Variants in SGMS1 observed in about 807,000 individuals in gnomAD.
SGMS1 encodes phosphatidylcholine:ceramide cholinephosphotransferase 1.
In SGMS1, 13 loss-of-function variants were observed where a neutral mutation model predicts 46.2. The observed-to-expected ratio is 0.28, with a 90% confidence interval of 0.18 to 0.45. The LOEUF is 0.45. Ranked by LOEUF, SGMS1 falls within the 20% of genes least tolerant of loss-of-function variation. The probability of loss-of-function intolerance (pLI) is 1.00; values close to 1 mark genes in which losing one functional copy is unlikely to be tolerated. For missense variants in SGMS1, 324 were observed against 519.9 expected, an observed-to-expected ratio of 0.62 and a Z score of 3.66; for synonymous variants, 203 against 187.8, an observed-to-expected ratio of 1.08 and a Z score of -0.66.
chr10:50,470,743 C>T (rs949331528), intron 3 of SGMS1, among the ~76,000 whole-genome samples: 1 of 152,112 alleles, frequency 6.6e-6, no homozygotes, highest in African/African-American at 2.4e-5. Context: ...TACAGCCAAG[C>T]ATGATTGTCT....
chr10:50,573,392 C>G (rs564394115), intron 2 of SGMS1, among the ~76,000 whole-genome samples: 1 of 152,142 alleles, frequency 6.6e-6, no homozygotes, highest in East Asian at 1.9e-4. Flanking sequence ...TTTCTGTACA[C>G]CAACAAAACA....
At chr10:50,519,618 G>C (rs1336949672) in intron 3 of SGMS1, among the ~76,000 whole-genome samples, 1 of 152,188 alleles carries the variant, frequency 6.6e-6, no homozygotes, top group Non-Finnish European at 1.5e-5. Context: ...TCTCCAGTGG[G>C]GGAGCTGGCC....
chr10:50,397,131 A>C (rs1043129619), intron 6 of SGMS1, among the ~76,000 whole-genome samples: 1 of 152,172 alleles, frequency 6.6e-6, no homozygotes, highest in Non-Finnish European at 1.5e-5. Flanking sequence ...ATCATCTAAG[A>C]TCTCTGATGT....
At chr10:50,358,955 C>T (rs1406550335) in intron 6 of SGMS1, among the ~76,000 whole-genome samples, 1 of 152,204 alleles carries the variant, frequency 6.6e-6, no homozygotes, top group East Asian at 1.9e-4. Flanking sequence ...TTATTTCAGT[C>T]TACTGTTGAG....
chr10:50,315,123 A>G (rs1847318577), intron 8 of SGMS1, among the ~76,000 whole-genome samples: 1 of 152,204 alleles, frequency 6.6e-6, no homozygotes, highest in Non-Finnish European at 1.5e-5. Flanking sequence ...ACCAGCCTAC[A>G]GCTGTTTACC....
intron 6 of SGMS1, among the ~76,000 whole-genome samples, chr10:50,347,133 A>T (rs959831929): frequency 6.6e-6 from 1 of 152,124 alleles, no homozygotes; most frequent in Admixed American, 6.5e-5. Flanking sequence ...CCTTCCTGTG[A>T]CTAAGTGTCT....
intron 2 of SGMS1, among the ~76,000 whole-genome samples, chr10:50,562,443 C>T (rs149240027): frequency 0.019 from 2,962 of 152,222 alleles, 48 homozygotes; most frequent in Non-Finnish European, 0.029. Context: ...CCCCCCACCA[C>T]CTCTCTGACA....
intron 2 of SGMS1, among the ~76,000 whole-genome samples, chr10:50,559,804 A>C (rs1403046024): frequency 6.6e-6 from 1 of 152,164 alleles, no homozygotes; most frequent in African/African-American, 2.4e-5. Flanking sequence ...CACTATTAGG[A>C]GTTTTTAAAA....
At chr10:50,372,937 T>A (rs1848464329) in intron 6 of SGMS1, among the ~76,000 whole-genome samples, 1 of 99,092 alleles carries the variant, frequency 1.0e-5, no homozygotes, top group Admixed American at 1.3e-4. Context: ...CCAAAGTCAA[T>A]GCTATAATAT....
intron 2 of SGMS1, among the ~76,000 whole-genome samples, chr10:50,569,931 A>C (rs1838322802): frequency 1.3e-5 from 2 of 152,128 alleles, no homozygotes; most frequent in South Asian, 4.2e-4. Context: ...TCTGGCACCT[A>C]GCAGGCCACG....
intron 1 of SGMS1, among the ~76,000 whole-genome samples, chr10:50,619,982 T>C (rs1350297188): frequency 6.6e-6 from 1 of 152,230 alleles, no homozygotes; most frequent in East Asian, 1.9e-4. Context: ...TGTGGATCTG[T>C]GTGTGATGTG....
chr10:50,317,767 T>A (rs1847367331), intron 8 of SGMS1, among the ~76,000 whole-genome samples: 1 of 151,932 alleles, frequency 6.6e-6, no homozygotes, highest in Non-Finnish European at 1.5e-5. Context: ...TTTATTTAAA[T>A]CAAGCTCCCC....
At chr10:50,537,981 G>C (rs866340579) in intron 2 of SGMS1, among the ~76,000 whole-genome samples, 1 of 152,094 alleles carries the variant, frequency 6.6e-6, no homozygotes, top group African/African-American at 2.4e-5. Context: ...CAGTTCTCAA[G>C]AAGGCACTGC....
intron 3 of SGMS1, among the ~76,000 whole-genome samples, chr10:50,493,515 C>G (rs1380655394): frequency 6.6e-6 from 1 of 152,040 alleles, no homozygotes; most frequent in Non-Finnish European, 1.5e-5. Context: ...GCAAAAGAAA[C>G]TATCAATAAA....
At chr10:50,414,990 C>G (rs1203414) in intron 6 of SGMS1, among the ~76,000 whole-genome samples, 131,463 of 152,266 alleles carry the variant, frequency 0.86, 56,869 homozygotes, top group East Asian at 1. Context: ...GCTCTGATGC[C>G]GGCGCCTGTA....
chr10:50,503,559 C>T (rs1388456695), intron 3 of SGMS1, among the ~76,000 whole-genome samples: 2 of 152,186 alleles, frequency 1.3e-5, no homozygotes, highest in Admixed American at 1.3e-4. Flanking sequence ...CTTTACCTAC[C>T]CACATCTTAT....
intron 2 of SGMS1, among the ~76,000 whole-genome samples, chr10:50,524,490 G>A (rs566495932): frequency 7.2e-5 from 11 of 152,166 alleles, no homozygotes; most frequent in African/African-American, 2.4e-4. Flanking sequence ...ATTTTTTCAT[G>A]CTAACCATTC....
At chr10:50,404,788 C>T (rs1331971654) in intron 6 of SGMS1, among the ~76,000 whole-genome samples, 2 of 152,118 alleles carry the variant, frequency 1.3e-5, no homozygotes, top group Admixed American at 1.3e-4. Flanking sequence ...TAGCTAAACA[C>T]AATCCCCCCA....
chr10:50,495,238 CAA>C (rs35409405), intron 3 of SGMS1, among the ~76,000 whole-genome samples: 1 of 75,896 alleles, frequency 1.3e-5, no homozygotes, highest in Non-Finnish European at 2.4e-5. Flanking sequence ...GATTCCGTCT[CAA>C]AAAAAAAAAA....
Sources: allele counts gnomAD v4.1 joint callset (sites outside exome capture counted in the v4.1 genomes callset), GRCh38; gene constraint gnomAD v4.1.1; transcripts MANE v1.5; gene names NCBI Gene and HGNC (gene_info 2026-07-23, HGNC 2026-07-21).